Variants in OR51B5 observed in about 807,000 individuals in gnomAD.
OR51B5 encodes olfactory receptor family 51 subfamily B member 5, also known as olfactory receptor 51B5.
For missense variants in OR51B5, 456 were observed against 374.6 expected (o/e 1.22, Z -1.79); for synonymous variants, 186 against 144.8 (o/e 1.28, Z -2.04).
intron 1 of OR51B5, chr11:5,351,826 G>A (rs1390995206): frequency 6.2e-7 from 1 of 1,614,006 alleles, no homozygotes; most frequent in Non-Finnish European, 8.5e-7. Flanking sequence ...TACTCTTTCT[G>A]TCATGGAGTC....
intron 1 of OR51B5, chr11:5,403,504 G>A (rs1262124150): frequency 2.1e-6 from 1 of 471,798 alleles, no homozygotes. Context: ...GAGATCCATG[G>A]TGCCATTGTC....
intron 1 of OR51B5, chr11:5,453,727 C>G (rs1245419366): frequency 1.9e-6 from 3 of 1,614,174 alleles, no homozygotes; most frequent in Non-Finnish European, 2.5e-6. Context: ...ACACTGCCCA[C>G]TGTACTCCGA....
chr11:5,438,058 G>C (rs1217540765), intron 1 of OR51B5, among the ~76,000 whole-genome samples: 4 of 152,070 alleles, frequency 2.6e-5, no homozygotes, highest in Non-Finnish European at 4.4e-5. Context: ...TTATGCGTTG[G>C]GAACCAGGAG....
chr11:5,485,627 C>A (rs1851486824), intron 1 of OR51B5, among the ~76,000 whole-genome samples: 1 of 152,182 alleles, frequency 6.6e-6, no homozygotes, highest in South Asian at 2.1e-4. Context: ...TCCTCCAGCA[C>A]AAAAGCCTCT....
chr11:5,373,914 C>A (rs530323332), intron 1 of OR51B5, among the ~76,000 whole-genome samples: 2 of 152,126 alleles, frequency 1.3e-5, no homozygotes, highest in Non-Finnish European at 2.9e-5. Context: ...CACAGACAAA[C>A]AAAAAGACAG....
At chr11:5,470,837 G>A (rs1050412408) in intron 1 of OR51B5, among the ~76,000 whole-genome samples, 1 of 152,026 alleles carries the variant, frequency 6.6e-6, no homozygotes, top group Non-Finnish European at 1.5e-5. Flanking sequence ...CAAAATATCT[G>A]CAGAACCTTC....
chr11:5,476,345 C>T (rs1299072793), intron 1 of OR51B5, among the ~76,000 whole-genome samples: 1 of 152,184 alleles, frequency 6.6e-6, no homozygotes, highest in African/African-American at 2.4e-5. Context: ...AGTCACAAAT[C>T]ACACAAGTGA....
At chr11:5,441,671 C>A (rs1850691411) in intron 1 of OR51B5, among the ~76,000 whole-genome samples, 1 of 152,118 alleles carries the variant, frequency 6.6e-6, no homozygotes, top group Non-Finnish European at 1.5e-5. Context: ...TTTAAGGAAG[C>A]AACCGGGTTC....
At chr11:5,468,434 A>G in intron 1 of OR51B5, 1 of 327,072 alleles carries the variant, frequency 3.1e-6, no homozygotes, top group South Asian at 2.5e-5. Flanking sequence ...GTACACCCAA[A>G]CATCAGCAAC....
At chr11:5,501,005 G>A (rs1294580823) in intron 1 of OR51B5, among the ~76,000 whole-genome samples, 3 of 148,404 alleles carry the variant, frequency 2.0e-5, no homozygotes, top group African/African-American at 7.3e-5. Context: ...TGAATGGGAA[G>A]AAGTTATAAT....
intron 1 of OR51B5, among the ~76,000 whole-genome samples, chr11:5,469,835 T>C (rs1006919942): frequency 6.6e-6 from 1 of 152,182 alleles, no homozygotes; most frequent in African/African-American, 2.4e-5. Context: ...CTTTCCTTAA[T>C]ATTCCCACCC....
At chr11:5,440,366 T>C (rs1332985043) in intron 1 of OR51B5, among the ~76,000 whole-genome samples, 1 of 152,220 alleles carries the variant, frequency 6.6e-6, no homozygotes, top group Non-Finnish European at 1.5e-5. Context: ...CATTATAACA[T>C]GCCTAGTAGC....
chr11:5,408,960 G>C (rs1850102849), intron 1 of OR51B5, among the ~76,000 whole-genome samples: 2 of 151,838 alleles, frequency 1.3e-5, no homozygotes, highest in African/African-American at 4.8e-5. Flanking sequence ...TCCAAATGTT[G>C]TGCATTCTTC....
At chr11:5,426,983 G>C (rs866933714) in intron 1 of OR51B5, among the ~76,000 whole-genome samples, 2 of 148,688 alleles carry the variant, frequency 1.3e-5, no homozygotes, top group African/African-American at 4.9e-5. Context: ...TTATCTGCAC[G>C]ATGAGACAAC....
chr11:5,492,693 G>GTGGCACAA (rs1851597771), intron 1 of OR51B5, among the ~76,000 whole-genome samples: 1 of 152,194 alleles, frequency 6.6e-6, no homozygotes, highest in East Asian at 1.9e-4. Flanking sequence ...CGGGAGTACA[G>GTGGCACAA]TGGCACAATC....
intron 1 of OR51B5, among the ~76,000 whole-genome samples, chr11:5,354,115 A>T (rs1291831894): frequency 1.3e-5 from 2 of 152,220 alleles, no homozygotes; most frequent in Non-Finnish European, 2.9e-5. Flanking sequence ...AAATGAATAA[A>T]TAAAATTTAA....
At chr11:5,342,173 T>C (rs1001986973), downstream of OR51B5, among the ~76,000 whole-genome samples, 38 of 152,266 alleles carry the variant, frequency 2.5e-4, no homozygotes, top group African/African-American at 8.9e-4. Context: ...TTCATAAGAG[T>C]TGGAAATTAG....
chr11:5,444,580 G>C lies in OR51B5; in HGVS notation n.84+60989C>G, dbSNP rs146724286. Among the ~76,000 whole-genome samples the C allele has an allele frequency of 2.0e-5, 3 of 152,238 alleles. No individual in the cohort carries two copies. In the East Asian group the frequency reaches 5.8e-4, roughly 29 times the overall value. On this transcript the variant is annotated intron_variant and non_coding_transcript_variant, in intron 1 of 4. Coordinates refer to the OR51B5 transcript ENST00000415970. ...GAATAAAATCTAGATAAAGAGGTCA[G>C]GTGGGCAGTGTGAAGCAGGGAGCAC...
intron 1 of OR51B5, among the ~76,000 whole-genome samples, chr11:5,411,498 C>T (rs1850148999): frequency 6.6e-6 from 1 of 152,044 alleles, no homozygotes; most frequent in African/African-American, 2.4e-5. Flanking sequence ...TCTAATAATA[C>T]ATTAATGAAT....
Sources: gnomAD v4.1 joint callset for allele counts (sites outside exome capture counted in the v4.1 genomes callset) on GRCh38, gnomAD v4.1.1 for gene constraint, MANE v1.5 for transcripts, NCBI Gene and HGNC (gene_info 2026-07-23, HGNC 2026-07-21) for gene names.